Variants in ERCC5 observed in about 807,000 individuals in gnomAD.
ERCC5 encodes the protein ERCC excision repair 5, endonuclease, also known as DNA excision repair protein ERCC-5.
ERCC5 carries 68 observed loss-of-function variants against 105.6 expected under a neutral mutation model. That is an observed-to-expected ratio of 0.64 (90% confidence interval 0.53 to 0.79). ERCC5 has a LOEUF of 0.79. ERCC5 is among the 30% of genes least tolerant of loss of function. The pLI, the probability that ERCC5 is intolerant of heterozygous loss-of-function variation, is 0.00. For synonymous variants in ERCC5, 546 were observed against 526.2 expected (o/e 1.04, Z -0.51); for missense variants, 1,373 against 1,426.7 (o/e 0.96, Z 0.61).
At position 102,865,815 on chromosome 13, in the gene ERCC5, G is replaced by C. The variant is rs955328641; in HGVS notation, c.2103G>C (p.Leu701=). Residue 701 remains leucine (L), a synonymous_variant, in exon 9 of 15, where the codon CTG becomes CTC. Transcript: ENST00000652225. This position sits in a 1 kb window ranked among gnomAD's most constrained non-coding sequence, Gnocchi z 4.0. ...CCCCTGCTGAGTCCGAGAGCCTCCT[G>C]AGGGACAACTCTGAGAGGGACGACG... The part of the protein sequence containing the change: ...GEAPAESESL[L]RDNSERDDVD... The C allele has an allele frequency of 1.9e-6, 3 of 1,614,210 alleles. No homozygotes were observed. Among genetic ancestry groups the C allele is most frequent in the Non-Finnish European group, 2.5e-6 (3 of 1,180,036 alleles).
rs778690523 is a variant in ERCC5, at chr13:102,865,674, C to T, written c.1962C>T (p.Phe654=). 1 of 1,613,588 alleles carries T rather than the reference C, an allele frequency of 6.2e-7. No homozygotes were observed. Among genetic ancestry groups the T allele is most frequent in the Non-Finnish European group, 8.5e-7 (1 of 1,179,792 alleles). ...DSEESESDGS[F]IEVQSVISDE... is the part of the protein sequence containing the mutation. ...CTTTTAATTTTGGTACAGGAAGTTT[C>T]ATTGAAGTGCAAAGTGTGATTAGTG... Residue 654 remains phenylalanine, a synonymous_variant, in exon 9 of 15, where the codon TTC becomes TTT. Coordinates refer to ENST00000652225, the MANE Select transcript of ERCC5 (RefSeq NM_000123.4). The surrounding 1 kb of genome is among the most constrained non-coding windows in gnomAD (Gnocchi z 4.0).
rs1284982657 is a variant in ERCC5, at chr13:102,865,351, C to T, written c.1955-316C>T. 2.8e-6 allele frequency: 1 copy of T among 358,680 alleles called. No individual in the cohort carries two copies. Among genetic ancestry groups the T allele is most frequent in the African/African-American group, 2.1e-5 (1 of 47,204 alleles). The allele number at this position is 358,680 out of a possible 1,614,324, so 22.2% of individuals were successfully genotyped here. A position where few individuals can be genotyped will look rare whatever the true frequency, so the allele number is the denominator to read the frequency against. On this transcript the variant is annotated intron_variant, in intron 8 of 14. Transcript: ENST00000652225. This position sits in a 1 kb window ranked among gnomAD's most constrained non-coding sequence, Gnocchi z 4.0. ...ATTGTTTATATACTTTGATAATCCT[C>T]CTTTTTGAATTTTTAAAACAATGTC...
At position 102,865,789 on chromosome 13, in the gene ERCC5, G is replaced by A. The variant is rs1406786136; in HGVS notation, c.2077G>A (p.Ala693Thr). 2.5e-6 allele frequency: 4 copies of A among 1,614,146 alleles called. No homozygotes were observed. Among genetic ancestry groups the A allele is most frequent in the Non-Finnish European group, 3.4e-6 (4 of 1,180,014 alleles). The stretch of plus-strand genomic sequence containing the variant: ...ACTGGTAGGAACTAGGGAGGGAGAA[G>A]CCCCTGCTGAGTCCGAGAGCCTCCT... ...EELVGTREGE[A>T]PAESESLLRD... Residue 693 changes from alanine (A) to threonine (T), a missense_variant, in exon 9 of 15, where the codon GCC becomes ACC. Around this residue, in one of 3 missense-constraint regions of ERCC5, gnomAD observed 1,004 missense variants for 1,059.7 expected, o/e 0.95. Coordinates refer to ENST00000652225, the MANE Select transcript of ERCC5 (RefSeq NM_000123.4). The surrounding 1 kb of genome is among the most constrained non-coding windows in gnomAD (Gnocchi z 4.0).
chr13:102,849,186 C>CCAG (rs780956609), intron 1 of ERCC5: 2 of 519,016 alleles, frequency 3.9e-6, no homozygotes, highest in African/African-American at 3.8e-5. Flanking sequence ...CAAGTTCTAC[C>CCAG]TCTGAGATGT....
At chr13:102,867,357 A>G (rs1046531531) in intron 11 of ERCC5, among the ~76,000 whole-genome samples, 2 of 152,226 alleles carry the variant, frequency 1.3e-5, no homozygotes, top group African/African-American at 4.8e-5. Flanking sequence ...GAGAGGAGAG[A>G]GTGAACTTCA....
intron 12 of ERCC5, among the ~76,000 whole-genome samples, chr13:102,870,565 A>C (rs1882999284): frequency 6.6e-6 from 1 of 152,206 alleles, no homozygotes; most frequent in Admixed American, 6.5e-5. Flanking sequence ...CACTGATTCT[A>C]ACTGCCAGTC....
chr13:102,856,119 A>C lies in ERCC5; in HGVS notation c.528+7A>C. The stretch of plus-strand genomic sequence containing the variant: ...TCAAAAACAAGCATTACAGGTATTT[A>C]GATCATTTTTGAATTCAGAATGTAT... On this transcript the variant is annotated splice_region_variant and intron_variant, in intron 5 of 14. Coordinates refer to ENST00000652225, the MANE Select transcript of ERCC5 (RefSeq NM_000123.4). 1 of 1,611,794 alleles carries C rather than the reference A, an allele frequency of 6.2e-7. No individual in the cohort carries two copies. The highest frequency in any genetic ancestry group is 8.5e-7 in the Non-Finnish European group (1 of 1,177,982).
intron 1 of ERCC5, 68 bp downstream of exon 1, chr13:102,846,422 C>T: frequency 7.1e-7 from 1 of 1,400,072 alleles, no homozygotes. Context: ...CGGGGCTCTG[C>T]CTTGGGCACA....
Position 102,867,987 on chromosome 13 carries a change from A to G in ERCC5, c.2534-126A>G, listed in dbSNP as rs1343690574. On this transcript the variant is annotated intron_variant, in intron 11 of 14. Coordinates refer to ENST00000652225, the MANE Select transcript of ERCC5 (RefSeq NM_000123.4). ...GAATAAAATAATTTATTTTCAAATA[A>G]TAAGATATTTTTGGTGGTTGGATAT... 1.4e-5 allele frequency: 13 copies of G among 913,748 alleles called. 1 individual carries two copies. The highest frequency in any genetic ancestry group is 2.1e-5 in the Non-Finnish European group (13 of 608,568). The allele number at this position is 913,748 out of a possible 1,614,324, so 56.6% of individuals were successfully genotyped here. A position where few individuals can be genotyped will look rare whatever the true frequency, so the allele number is the denominator to read the frequency against.
chr13:102,861,766 A>T (rs1010603939), intron 7 of ERCC5, 52 bp downstream of exon 7: 2 of 1,598,700 alleles, frequency 1.3e-6, no homozygotes, highest in Non-Finnish European at 1.7e-6. Context: ...AAGATATATC[A>T]TGACTCTGAA....
Position 102,846,032 on chromosome 13 carries a change from C to A in ERCC5, c.-235C>A. On this transcript the variant is annotated 5_prime_UTR_variant, in exon 1 of 15. Coordinates refer to ENST00000652225, the MANE Select transcript of ERCC5 (RefSeq NM_000123.4). ...ACGGCCATTCTCTGGACCTGTCTTT[C>A]TTCCGGGAGGCGGTGACAGCTGCTG... is the stretch of plus-strand genomic sequence containing the variant. The A allele has an allele frequency of 1.8e-6, 1 of 566,648 alleles. No individual in the cohort carries two copies. The highest frequency in any genetic ancestry group is 3.1e-6 in the Non-Finnish European group (1 of 317,634). 35.1% of individuals were successfully genotyped at this position (566,648 alleles called of 1,614,324 possible).
intron 4 of ERCC5, among the ~76,000 whole-genome samples, chr13:102,854,855 C>G (rs1213611567): frequency 6.6e-6 from 1 of 152,206 alleles, no homozygotes; most frequent in African/African-American, 2.4e-5. Context: ...CTGGCGCTTT[C>G]TGCTCAGCCT....
At chr13:102,858,239 T>G in intron 5 of ERCC5, 36 bp from the exon 6 acceptor site, 2 of 1,613,896 alleles carry the variant, frequency 1.2e-6, no homozygotes, top group Non-Finnish European at 1.7e-6. Context: ...GTGTATGAAA[T>G]GTAAATTTCA....
intron 3 of ERCC5, 68 bp downstream of exon 3, chr13:102,853,940 G>A (rs1166357687): frequency 3.5e-5 from 51 of 1,445,470 alleles, no homozygotes; most frequent in Non-Finnish European, 4.8e-5. Context: ...TTGATTTCCT[G>A]CGATTCTCTT....
intron 12 of ERCC5, among the ~76,000 whole-genome samples, chr13:102,868,479 G>A (rs912043027): frequency 6.6e-6 from 1 of 152,236 alleles, no homozygotes; most frequent in African/African-American, 2.4e-5. Flanking sequence ...TACAAAGCCA[G>A]TCCTGTGGAT....
chr13:102,861,594 A>G lies in ERCC5; in HGVS notation c.760A>G (p.Met254Val), dbSNP rs1047769. ...NQHIEHVQKE[M>V]NQQHSGHIRR... ...GCATATAGAACATGTCCAAAAGGAAATGAATCAGCAACATTCAGGACACAT... is the reference window on the plus strand; with the variant it reads ...GCATATAGAACATGTCCAAAAGGAAGTGAATCAGCAACATTCAGGACACAT... Residue 254 changes from methionine (M) to valine (V), a missense_variant, in exon 7 of 15, where the codon ATG becomes GTG. Transcript: ENST00000652225. The G allele has an allele frequency of 0.034, 55,272 of 1,614,194 alleles. 1,108 individuals are homozygous for G. Among genetic ancestry groups the G allele is most frequent in the Middle Eastern group, 0.067 (405 of 6,062 alleles).
At chr13:102,869,419 T>C (rs1473426667) in intron 12 of ERCC5, among the ~76,000 whole-genome samples, 3 of 126,394 alleles carry the variant, frequency 2.4e-5, no homozygotes, top group Non-Finnish European at 4.9e-5. Context: ...AAAAGATGAT[T>C]ACAGTTTACA....
chr13:102,851,160 G>A (rs1882186141), intron 1 of ERCC5, among the ~76,000 whole-genome samples: 1 of 152,054 alleles, frequency 6.6e-6, no homozygotes, highest in African/African-American at 2.4e-5. Context: ...TCAGAAAATG[G>A]AGTTATACTT....
At chr13:102,861,786 C>CT (rs759600783) in intron 7 of ERCC5, 72 bp downstream of exon 7, 3 of 1,550,530 alleles carry the variant, frequency 1.9e-6, no homozygotes, top group Non-Finnish European at 2.7e-6. Context: ...ATTCTATAAA[C>CT]TAGCACCCCT....
Sources: allele counts gnomAD v4.1 joint callset (sites outside exome capture counted in the v4.1 genomes callset), GRCh38; gene constraint gnomAD v4.1.1; regional missense constraint gnomAD v4.1.1; non-coding constraint Gnocchi (gnomAD v3.1); transcripts MANE v1.5; gene names NCBI Gene and HGNC (gene_info 2026-07-23, HGNC 2026-07-21).